Variants in SKIL observed in about 807,000 individuals in gnomAD.
SKIL encodes the protein ski-like protein.
Under a neutral mutation model 69.6 loss-of-function variants are expected in SKIL, and 20 were observed. The ratio of observed to expected loss-of-function variants is 0.29; its 90% CI spans 0.20 to 0.42. SKIL has a LOEUF of 0.42. Among genes scored for constraint, SKIL ranks in the 10% least tolerant of loss-of-function variants. The pLI, the probability that SKIL is intolerant of heterozygous loss-of-function variation, is 1.00. For missense variants in SKIL, 745 were observed against 783.1 expected, an observed-to-expected ratio of 0.95 and a Z score of 0.58; for synonymous variants, 310 against 279.9, an observed-to-expected ratio of 1.11 and a Z score of -1.08.
At position 170,394,871 on chromosome 3, in the gene SKIL, C is replaced by T. The variant is rs1738113409; in HGVS notation, c.*2454C>T. On this transcript the variant is annotated 3_prime_UTR_variant, in exon 7 of 7. Transcript: ENST00000259119. Reference sequence around the variant, plus strand: ...TTATAAGTGGAGTTGGCTAAAATACCTTATCCATATAAAACTTATTCTATT... The same window carrying T: ...TTATAAGTGGAGTTGGCTAAAATACTTTATCCATATAAAACTTATTCTATT... 1 of 152,006 alleles carries T rather than the reference C, an allele frequency of 6.6e-6. No individual in the cohort carries two copies. The highest frequency in any genetic ancestry group is 1.5e-5 in the Non-Finnish European group (1 of 67,996). 9.4% of individuals were successfully genotyped at this position (152,006 alleles called of 1,614,324 possible). A position where few individuals can be genotyped will look rare whatever the true frequency, so the allele number is the denominator to read the frequency against.
chr3:170,358,503 G>A (rs1361057601), intron 1 of SKIL: 1 of 152,702 alleles, frequency 6.5e-6, no homozygotes, highest in East Asian at 1.9e-4. Context: ...GAGGACTTCA[G>A]GGTTTTAGGG....
rs953274743 is a variant in SKIL at position 170,393,738 on chromosome 3, G to C, written c.*1321G>C. ...ACATTATTACCCCATGGATTTTATGGGATAATAAATGTTTTTCATGTTCTC... is the reference window on the plus strand; with the variant it reads ...ACATTATTACCCCATGGATTTTATGCGATAATAAATGTTTTTCATGTTCTC... On this transcript the variant is annotated 3_prime_UTR_variant, in exon 7 of 7. Coordinates refer to ENST00000259119, the MANE Select transcript of SKIL (RefSeq NM_005414.5). 6.6e-6 allele frequency: 1 copy of C among 151,794 alleles called. No individual in the cohort carries two copies. Among genetic ancestry groups the C allele is most frequent in the Non-Finnish European group, 1.5e-5 (1 of 67,936 alleles). 9.4% of individuals were successfully genotyped at this position (151,794 alleles called of 1,614,324 possible). A position where few individuals can be genotyped will look rare whatever the true frequency, so the allele number is the denominator to read the frequency against.
At chr3:170,383,168 T>G (rs898287618) in intron 3 of SKIL, among the ~76,000 whole-genome samples, 1 of 152,242 alleles carries the variant, frequency 6.6e-6, no homozygotes, top group Non-Finnish European at 1.5e-5. Context: ...TTTTTTCTAC[T>G]AGTGTAAATC....
intron 1 of SKIL, 27 bp downstream of exon 1, chr3:170,357,790 G>C (rs1322551491): frequency 1.9e-5 from 3 of 161,592 alleles, no homozygotes; most frequent in African/African-American, 7.2e-5. Context: ...CGGCGGCGAC[G>C]CGGCGGAGGC....
chr3:170,390,567 A>T, intron 5 of SKIL, 103 bp downstream of exon 5: 1 of 843,526 alleles, frequency 1.2e-6, no homozygotes, highest in Non-Finnish European at 1.9e-6. Context: ...GCTCACTGAA[A>T]CCTCCACCTC....
intron 2 of SKIL, among the ~76,000 whole-genome samples, chr3:170,377,989 G>C (rs1737118702): frequency 6.6e-6 from 1 of 151,948 alleles, no homozygotes; most frequent in Non-Finnish European, 1.5e-5. Context: ...CACCTCCCAG[G>C]TTCAAGCGAT....
intron 2 of SKIL, among the ~76,000 whole-genome samples, chr3:170,373,274 C>G (rs563997119): frequency 6.6e-6 from 1 of 152,096 alleles, no homozygotes; most frequent in Non-Finnish European, 1.5e-5. Context: ...TCAAGCGATT[C>G]TTCTGCCTCA....
At position 170,361,185 on chromosome 3, in the gene SKIL, A is replaced by G. The variant is rs1442632284; in HGVS notation, c.854A>G (p.Asp285Gly). 2.5e-6 allele frequency: 4 copies of G among 1,614,112 alleles called. No individual in the cohort carries two copies. The highest frequency in any genetic ancestry group is 3.4e-6 in the Non-Finnish European group (4 of 1,180,054). ...LFAPQFYVQP[D>G]APCIQCLECC... Reference sequence around the variant, plus strand: ...GCACCCCAGTTTTATGTTCAGCCTGATGCTCCGTGTATTCAATGTCTGGAG... The same window carrying G: ...GCACCCCAGTTTTATGTTCAGCCTGGTGCTCCGTGTATTCAATGTCTGGAG... Residue 285 changes from aspartate to glycine, a missense_variant, in exon 2 of 7, where the codon GAT becomes GGT. Asp to Gly is a moderately conservative substitution (Grantham distance 94). Transcript: ENST00000259119.
chr3:170,360,212 G>A lies in SKIL; in HGVS notation c.-120G>A. ...TATTAATTTAAGGGGCTCTCGCTTT[G>A]AAAGTTTGAGAGTAAGTTACGATAG... On this transcript the variant is annotated 5_prime_UTR_variant, in exon 2 of 7. Transcript: ENST00000259119. The A allele has an allele frequency of 9.8e-7, 1 of 1,016,656 alleles. No homozygotes were observed. The highest frequency in any genetic ancestry group is 1.6e-5 in the African/African-American group (1 of 62,200). The allele number at this position is 1,016,656 out of a possible 1,614,324, so 63.0% of individuals were successfully genotyped here. A position where few individuals can be genotyped will look rare whatever the true frequency, so the allele number is the denominator to read the frequency against.
At chr3:170,366,702 CACACACACACACAT>C (rs1736544617) in intron 2 of SKIL, among the ~76,000 whole-genome samples, 3 of 151,134 alleles carry the variant, frequency 2.0e-5, no homozygotes, top group South Asian at 4.2e-4. Context: ...CACAGACACA[CACACACACACACAT>C]ACTTGATTTT....
At position 170,396,191 on chromosome 3, in the gene SKIL, T is replaced by G. The variant is rs1370510925; in HGVS notation, c.*3774T>G. The G allele has an allele frequency of 6.6e-6, 1 of 152,076 alleles. No individual in the cohort carries two copies. Among genetic ancestry groups the G allele is most frequent in the Non-Finnish European group, 1.5e-5 (1 of 67,950 alleles). The allele number at this position is 152,076 out of a possible 1,614,324, so 9.4% of individuals were successfully genotyped here. A position where few individuals can be genotyped will look rare whatever the true frequency, so the allele number is the denominator to read the frequency against. ...CAGCCCAGAAAACAAAATAGTGTAT[T>G]AAATTAGTTTAATGTAAAAGGAATT... On this transcript the variant is annotated 3_prime_UTR_variant, in exon 7 of 7. Transcript: ENST00000259119.
chr3:170,387,678 C>G (rs796311248), intron 4 of SKIL, among the ~76,000 whole-genome samples: 5 of 148,952 alleles, frequency 3.4e-5, no homozygotes, highest in African/African-American at 1.2e-4. Flanking sequence ...AATCCCAGCA[C>G]TTTGGGAGGC....
chr3:170,373,687 C>T (rs1030408160), intron 2 of SKIL, among the ~76,000 whole-genome samples: 19 of 152,004 alleles, frequency 1.2e-4, no homozygotes, highest in Non-Finnish European at 1.5e-5. Flanking sequence ...AAAATAAGTT[C>T]CAGCTTGGGC....
At chr3:170,364,110 C>T (rs1736378257) in intron 2 of SKIL, among the ~76,000 whole-genome samples, 1 of 152,100 alleles carries the variant, frequency 6.6e-6, no homozygotes, top group African/African-American at 2.4e-5. Context: ...ACCGCCATGC[C>T]CAGCTAATTT....
At chr3:170,392,206 T>C in intron 6 of SKIL, 53 bp from the exon 7 acceptor site, 2 of 1,420,502 alleles carry the variant, frequency 1.4e-6, no homozygotes, top group Non-Finnish European at 9.6e-7. Context: ...GATATGAGGA[T>C]TAAATGGAAA....
At chr3:170,366,622 G>A (rs867546849) in intron 2 of SKIL, among the ~76,000 whole-genome samples, 3 of 151,878 alleles carry the variant, frequency 2.0e-5, no homozygotes, top group Non-Finnish European at 4.4e-5. Context: ...TCAGTGAGCC[G>A]AGTTCACACT....
At chr3:170,364,142 G>T (rs529544831) in intron 2 of SKIL, among the ~76,000 whole-genome samples, 1 of 151,992 alleles carries the variant, frequency 6.6e-6, no homozygotes. Flanking sequence ...TAGTAGAGAG[G>T]GGGTTTCACC....
In SKIL at chr3:170,360,757, A is replaced by G. The variant is rs755661833; in HGVS notation, c.426A>G (p.Thr142=). The change falls in exon 2 of 7, where the codon ACA becomes ACG. Residue 142 remains threonine (T), a synonymous_variant. Coordinates refer to ENST00000259119, the MANE Select transcript of SKIL (RefSeq NM_005414.5). ...GPLLIPSDSS[T]ELTQTVLEGE... ...TGCTCATCCCTTCAGATAGCTCCAC[A>G]GAACTCACTCAGACTGTGTTGGAAG... The G allele has an allele frequency of 1.4e-5, 22 of 1,614,202 alleles. No homozygotes were observed. Among genetic ancestry groups the G allele is most frequent in the Non-Finnish European group, 1.9e-5 (22 of 1,180,024 alleles).
chr3:170,367,312 G>T (rs1317858681), intron 2 of SKIL, among the ~76,000 whole-genome samples: 1 of 151,856 alleles, frequency 6.6e-6, no homozygotes, highest in Non-Finnish European at 1.5e-5. Context: ...GGGTTTCACC[G>T]TGTTAGCCAG....
Sources: allele counts gnomAD v4.1 joint callset (sites outside exome capture counted in the v4.1 genomes callset), GRCh38; gene constraint gnomAD v4.1.1; transcripts MANE v1.5; gene names NCBI Gene and HGNC (gene_info 2026-07-23, HGNC 2026-07-21).